Variants in NRXN3 observed in about 807,000 individuals in gnomAD.
NRXN3 encodes the protein neurexin III.
In NRXN3, 32 loss-of-function variants were observed where a neutral mutation model predicts 137.6. That is an observed-to-expected ratio of 0.23 (90% CI 0.18 to 0.31). The LOEUF is 0.31. Ranked by LOEUF, NRXN3 falls within the 10% of genes least tolerant of loss-of-function variation. The pLI, the probability that NRXN3 is intolerant of heterozygous loss-of-function variation, is 1.00. For synonymous variants in NRXN3, 798 were observed against 784.5 expected, an observed-to-expected ratio of 1.02 and a Z score of -0.29; for missense variants, 1,574 against 2,062.5, an observed-to-expected ratio of 0.76 and a Z score of 4.59.
Position 79,862,436 on chromosome 14 carries a change from C to CA in NRXN3, c.*479dup, listed in dbSNP as rs1427781550. On this transcript the variant is annotated 3_prime_UTR_variant, in exon 21 of 21. Transcript: ENST00000335750. ...TATGTAAAAAACAAAACTACAACAA[C>CA]AAAAAAAGAAAAAAGTTAAAAAAGA... 7.3e-6 allele frequency: 1 copy of CA among 136,558 alleles called. No homozygotes were observed. The highest frequency in any genetic ancestry group is 1.6e-5 in the Non-Finnish European group (1 of 62,578). 8.5% of individuals were successfully genotyped at this position (136,558 alleles called of 1,614,324 possible). A position where few individuals can be genotyped will look rare whatever the true frequency, so the allele number is the denominator to read the frequency against.
intron 2 of NRXN3, among the ~76,000 whole-genome samples, chr14:78,277,770 TGAGGGAAG>T (rs2073818516): frequency 6.6e-6 from 1 of 152,158 alleles, no homozygotes; most frequent in Non-Finnish European, 1.5e-5. Flanking sequence ...ATTTCACATC[TGAGGGAAG>T]GAGGAGGAGA....
intron 1 of NRXN3, among the ~76,000 whole-genome samples, chr14:78,241,716 T>C (rs2067108658): frequency 1.3e-5 from 2 of 152,132 alleles, no homozygotes. Context: ...TTCTCTACTT[T>C]ACAAATGAGG....
chr14:78,329,812 A>C (rs1046465427), intron 4 of NRXN3, among the ~76,000 whole-genome samples: 4 of 152,192 alleles, frequency 2.6e-5, no homozygotes, highest in Non-Finnish European at 2.9e-5. Flanking sequence ...TGATTCGACA[A>C]ATGAAAGAAG....
At chr14:78,645,603 C>T (rs1346385970) in intron 5 of NRXN3, among the ~76,000 whole-genome samples, 182 bp downstream of exon 5, 1 of 150,606 alleles carries the variant, frequency 6.6e-6, no homozygotes, top group Admixed American at 6.6e-5. Flanking sequence ...TATGTTTCTC[C>T]ACATACTTCA....
intron 1 of NRXN3, among the ~76,000 whole-genome samples, chr14:78,228,259 C>G (rs907032449): frequency 6.6e-6 from 1 of 150,528 alleles, no homozygotes; most frequent in East Asian, 2.0e-4. Flanking sequence ...CAGGTTCAAG[C>G]GATTCTCCTG....
intron 10 of NRXN3, among the ~76,000 whole-genome samples, chr14:78,899,354 T>G (rs1014388555): frequency 5.3e-5 from 8 of 151,960 alleles, no homozygotes; most frequent in African/African-American, 1.4e-4. Context: ...GCCCAAGAAT[T>G]TGTTCCTCCT....
intron 20 of NRXN3, among the ~76,000 whole-genome samples, chr14:79,820,645 T>C (rs1280335986): frequency 6.6e-6 from 1 of 152,156 alleles, no homozygotes; most frequent in Non-Finnish European, 1.5e-5. Context: ...TTATCTTTTC[T>C]GCTCCCTCCA....
At chr14:79,299,849 T>C (rs1034447737) in intron 15 of NRXN3, among the ~76,000 whole-genome samples, 8 of 152,004 alleles carry the variant, frequency 5.3e-5, no homozygotes, top group Non-Finnish European at 7.4e-5. Flanking sequence ...GTATACCACT[T>C]CCAGAAACCC....
At chr14:79,063,793 C>T (rs1444840327) in intron 15 of NRXN3, among the ~76,000 whole-genome samples, 2 of 152,034 alleles carry the variant, frequency 1.3e-5, no homozygotes, top group Non-Finnish European at 2.9e-5. Context: ...GCGAAAAACT[C>T]CTAAGGTTTT....
chr14:78,691,885 T>C lies in NRXN3; in HGVS notation c.1222-17332T>C, dbSNP rs1352511992. ...ATTATGTCAGGTAGTAAACCAAAAATTTTCTCCCTTTATGATGAAAGAAAA... is the reference window on the plus strand; with the variant it reads ...ATTATGTCAGGTAGTAAACCAAAAACTTTCTCCCTTTATGATGAAAGAAAA... On this transcript the variant is annotated intron_variant, in intron 6 of 20. Coordinates refer to ENST00000335750, the MANE Select transcript of NRXN3 (RefSeq NM_001330195.2). 2.0e-5 allele frequency among the ~76,000 whole-genome samples: 3 copies of C among 152,010 alleles called. No homozygotes were observed. The East Asian group carries it at 5.8e-4, about 29-fold the overall frequency.
At chr14:79,535,083 T>G (rs2097199965) in intron 16 of NRXN3, among the ~76,000 whole-genome samples, 1 of 152,208 alleles carries the variant, frequency 6.6e-6, no homozygotes, top group African/African-American at 2.4e-5. Flanking sequence ...CCTTCATTCC[T>G]GATCTGAAAT....
At chr14:79,466,707 C>T (rs17836091) in intron 15 of NRXN3, among the ~76,000 whole-genome samples, 319 of 152,204 alleles carry the variant, frequency 2.1e-3, no homozygotes, top group Non-Finnish European at 3.6e-3. Flanking sequence ...TGCTTTCTTT[C>T]CTGTGGGAGT....
At chr14:78,518,590 T>C (rs1218057090) in intron 4 of NRXN3, among the ~76,000 whole-genome samples, 1 of 152,152 alleles carries the variant, frequency 6.6e-6, no homozygotes, top group Non-Finnish European at 1.5e-5. Flanking sequence ...TTTAAGCTGT[T>C]CCTGGGTACA....
chr14:78,347,341 G>A (rs2082883629), intron 4 of NRXN3, among the ~76,000 whole-genome samples: 1 of 152,148 alleles, frequency 6.6e-6, no homozygotes, highest in South Asian at 2.1e-4. Flanking sequence ...GGTGTTATCT[G>A]TTTTTCTTCT....
chr14:79,810,198 GA>G (rs1001391805), intron 20 of NRXN3, among the ~76,000 whole-genome samples: 19 of 147,098 alleles, frequency 1.3e-4, no homozygotes, highest in Admixed American at 3.4e-4. Context: ...AGAGCAGAGC[GA>G]AAAAAAAAAG....
intron 4 of NRXN3, among the ~76,000 whole-genome samples, chr14:78,539,721 C>A (rs117632803): frequency 0.02 from 3,006 of 152,188 alleles, 43 homozygotes; most frequent in Non-Finnish European, 0.032. Context: ...ATTATAGATC[C>A]TTCCTGCTTT....
intron 8 of NRXN3, among the ~76,000 whole-genome samples, chr14:78,732,878 C>G (rs2098523093): frequency 6.6e-6 from 1 of 152,132 alleles, no homozygotes; most frequent in Admixed American, 6.5e-5. Context: ...CACTTGGATT[C>G]TCTAGGAGCA....
chr14:78,937,762 A>G (rs2099345045), intron 10 of NRXN3, among the ~76,000 whole-genome samples: 1 of 152,234 alleles, frequency 6.6e-6, no homozygotes, highest in Non-Finnish European at 1.5e-5. Context: ...TGTTACAGGA[A>G]TATGTAAGCT....
intron 1 of NRXN3, among the ~76,000 whole-genome samples, chr14:78,179,216 C>T (rs2153347070): frequency 6.6e-6 from 1 of 152,266 alleles, no homozygotes; most frequent in East Asian, 1.9e-4. Context: ...GCCAGGTCTG[C>T]TGCCTAGATA....
Sources: allele counts gnomAD v4.1 joint callset (sites outside exome capture counted in the v4.1 genomes callset), GRCh38; gene constraint gnomAD v4.1.1; transcripts MANE v1.5; gene names NCBI Gene and HGNC (gene_info 2026-07-23, HGNC 2026-07-21).